Variants in LARGE1 observed in about 807,000 individuals in gnomAD.
The protein encoded by LARGE1 is LARGE xylosyl- and glucuronyltransferase 1.
LARGE1 carries 43 observed loss-of-function variants against 87.6 expected under a neutral mutation model. That is an observed-to-expected ratio of 0.49 (90% confidence interval 0.38 to 0.63). LARGE1 has a LOEUF of 0.63. Among genes scored for constraint, LARGE1 ranks in the 30% least tolerant of loss-of-function variants. The pLI, the probability that LARGE1 is intolerant of heterozygous loss-of-function variation, is 0.00. For synonymous variants in LARGE1, 434 were observed against 394.6 expected, an observed-to-expected ratio of 1.10 and a Z score of -1.18; for missense variants, 802 against 1,000.2, an observed-to-expected ratio of 0.80 and a Z score of 2.67.
intron 1 of LARGE1, among the ~76,000 whole-genome samples, chr22:33,796,637 C>T (rs1019233913): frequency 1.3e-5 from 2 of 152,072 alleles, no homozygotes; most frequent in Admixed American, 6.6e-5. Context: ...ACCAACACAC[C>T]ATTAAAGAAA....
intron 1 of LARGE1, among the ~76,000 whole-genome samples, chr22:33,783,341 G>C (rs2085487493): frequency 6.6e-6 from 1 of 152,172 alleles, no homozygotes. Context: ...TGAGGCGGTG[G>C]ATCACCTGAG....
At chr22:33,781,362 A>T (rs1175136886) in intron 1 of LARGE1, among the ~76,000 whole-genome samples, 2 of 152,148 alleles carry the variant, frequency 1.3e-5, no homozygotes, top group Non-Finnish European at 2.9e-5. Flanking sequence ...TTAGCCAGGC[A>T]TGGTGGTGGG....
At chr22:33,902,468 A>T (rs890011019) in intron 1 of LARGE1, among the ~76,000 whole-genome samples, 1 of 152,232 alleles carries the variant, frequency 6.6e-6, no homozygotes, top group African/African-American at 2.4e-5. Context: ...GGCAGCACTG[A>T]GCCTAGGGAG....
chr22:33,757,772 G>C (rs2084573651), intron 2 of LARGE1, among the ~76,000 whole-genome samples: 1 of 152,204 alleles, frequency 6.6e-6, no homozygotes, highest in Non-Finnish European at 1.5e-5. Context: ...AAAAACTCAA[G>C]GGTGTCAATA....
chr22:33,712,637 A>AGTGTGTGTGTGT (rs34754283), intron 2 of LARGE1, among the ~76,000 whole-genome samples: 304 of 134,734 alleles, frequency 2.3e-3, no homozygotes, highest in Middle Eastern at 7.6e-3. Flanking sequence ...TGAGGGGTAC[A>AGTGTGTGTGTGT]GTGTGTGTGT....
At chr22:33,400,914 C>A (rs961628900) in intron 7 of LARGE1, among the ~76,000 whole-genome samples, 1 of 152,198 alleles carries the variant, frequency 6.6e-6, no homozygotes, top group Admixed American at 6.5e-5. Context: ...CCCTTCTGTG[C>A]CAGACACATA....
the LARGE1 span, among the ~76,000 whole-genome samples, chr22:33,154,991 G>A: frequency 6.6e-6 from 1 of 152,190 alleles, no homozygotes; most frequent in Non-Finnish European, 1.5e-5. Context: ...TTTGTCTGCT[G>A]CCATGTGAGA....
chr22:33,070,726 C>T, the LARGE1 span, among the ~76,000 whole-genome samples: 5 of 152,038 alleles, frequency 3.3e-5, no homozygotes, highest in Non-Finnish European at 7.4e-5. Context: ...AGGCTTCTGG[C>T]GGAGGTGGTG....
At chr22:33,695,180 T>C (rs536145401) in intron 2 of LARGE1, among the ~76,000 whole-genome samples, 177 of 151,252 alleles carry the variant, frequency 1.2e-3, no homozygotes, top group African/African-American at 4.0e-3. Context: ...CTCAGCTCAC[T>C]GCAACCTCTG....
At chr22:33,773,309 A>G (rs2085130649) in intron 1 of LARGE1, among the ~76,000 whole-genome samples, 1 of 152,210 alleles carries the variant, frequency 6.6e-6, no homozygotes, top group Non-Finnish European at 1.5e-5. Context: ...GCCGCACGCA[A>G]TATGCTCTCA....
At chr22:33,782,343 G>C (rs766983205) in intron 1 of LARGE1, among the ~76,000 whole-genome samples, 4 of 152,126 alleles carry the variant, frequency 2.6e-5, no homozygotes, top group Non-Finnish European at 5.9e-5. Context: ...AGAGGAGAGT[G>C]GCAGTGACTG....
intron 1 of LARGE1, among the ~76,000 whole-genome samples, chr22:33,770,531 A>G (rs2085034237): frequency 6.6e-6 from 1 of 152,092 alleles, no homozygotes; most frequent in Non-Finnish European, 1.5e-5. Flanking sequence ...AAAAATGTAA[A>G]GACTTTAGCT....
chr22:33,404,210 G>T (rs1293362754), intron 7 of LARGE1, among the ~76,000 whole-genome samples: 1 of 152,186 alleles, frequency 6.6e-6, no homozygotes, highest in African/African-American at 2.4e-5. Context: ...TGATATTTAA[G>T]ACAGGATCTG....
At position 33,432,595 on chromosome 22, in the gene LARGE1, T is replaced by TCATTCATG. The variant is rs146169927; in HGVS notation, c.788-331_788-330insCATGAATG. Among the ~76,000 whole-genome samples the TCATTCATG allele has an allele frequency of 0.27, 39,482 of 146,374 alleles. 5,461 individuals carry two copies. Among genetic ancestry groups the TCATTCATG allele is most frequent in the Non-Finnish European group, 0.3 (19,529 of 66,012 alleles). On this transcript the variant is annotated intron_variant, in intron 6 of 14. Coordinates refer to ENST00000397394, the MANE Select transcript of LARGE1 (RefSeq NM_133642.5). ...TTCATTCATTCATTCATTCATTCAT[T>TCATTCATG]CATGCATGCATGCATGCATTTCTTT... is the stretch of plus-strand genomic sequence containing the variant.
chr22:33,842,322 T>C (rs778968099), intron 1 of LARGE1, among the ~76,000 whole-genome samples: 39 of 152,184 alleles, frequency 2.6e-4, no homozygotes, highest in Admixed American at 5.9e-4. Flanking sequence ...CATTTTTTAA[T>C]AAAAAATTAA....
intron 1 of LARGE1, among the ~76,000 whole-genome samples, chr22:33,782,654 C>T (rs564174795): frequency 2.6e-5 from 4 of 152,166 alleles, no homozygotes; most frequent in African/African-American, 9.6e-5. Context: ...ATCACGAGGT[C>T]AGGAGATCAA....
At chr22:33,427,639 C>T (rs142074605) in intron 7 of LARGE1, among the ~76,000 whole-genome samples, 20 of 152,176 alleles carry the variant, frequency 1.3e-4, no homozygotes, top group African/African-American at 4.1e-4. Context: ...TTGATGTCTG[C>T]GGTTGAATCT....
At chr22:33,860,806 C>G (rs546795549) in intron 1 of LARGE1, among the ~76,000 whole-genome samples, 2 of 152,336 alleles carry the variant, frequency 1.3e-5, no homozygotes, top group East Asian at 3.9e-4. Flanking sequence ...CCCACTCCAG[C>G]TGCCCACAAC....
chr22:33,892,993 A>T (rs2146843803), intron 1 of LARGE1, among the ~76,000 whole-genome samples: 1 of 152,312 alleles, frequency 6.6e-6, no homozygotes, highest in Admixed American at 6.5e-5. Flanking sequence ...TGAATAGGTG[A>T]CTTTGAATCC....
Sources: gnomAD v4.1 joint callset for allele counts (sites outside exome capture counted in the v4.1 genomes callset) on GRCh38, gnomAD v4.1.1 for gene constraint, MANE v1.5 for transcripts, NCBI Gene and HGNC (gene_info 2026-07-23, HGNC 2026-07-21) for gene names.